DAB2: variants seen among roughly 807,000 people sequenced by gnomAD.
The protein encoded by DAB2 is disabled homolog 2.
A neutral mutation model predicts 71.6 loss-of-function variants in DAB2; 28 were observed. The observed-to-expected ratio is 0.39, with a 90% CI of 0.29 to 0.54. The LOEUF is 0.54. Among genes scored for constraint, DAB2 ranks in the 20% least tolerant of loss-of-function variants. DAB2 has a pLI of 0.68. For missense variants in DAB2, 867 were observed against 928.8 expected, an observed-to-expected ratio of 0.93 and a Z score of 0.86; for synonymous variants, 345 against 339.7, an observed-to-expected ratio of 1.02 and a Z score of -0.17.
intron 1 of DAB2, among the ~76,000 whole-genome samples, chr5:39,413,632 C>G (rs888925520): frequency 1.3e-5 from 2 of 151,988 alleles, no homozygotes; most frequent in African/African-American, 2.4e-5. Context: ...ATATGTTTTT[C>G]CATAAAACTG....
chr5:39,391,328 A>G (rs893510506), intron 4 of DAB2, among the ~76,000 whole-genome samples: 2 of 152,112 alleles, frequency 1.3e-5, no homozygotes, highest in Admixed American at 1.3e-4. Context: ...TTTTGTCCTG[A>G]ATGTCTAAGA....
intron 1 of DAB2, among the ~76,000 whole-genome samples, chr5:39,402,984 C>T (rs1356205575): frequency 6.6e-6 from 1 of 152,184 alleles, no homozygotes; most frequent in Non-Finnish European, 1.5e-5. Context: ...ATTCTTAAAA[C>T]ATTGATATTC....
intron 2 of DAB2, among the ~76,000 whole-genome samples, chr5:39,393,789 A>G (rs932049589): frequency 7.2e-5 from 11 of 152,224 alleles, no homozygotes; most frequent in African/African-American, 2.7e-4. Flanking sequence ...TTAAATTATC[A>G]ATAAGGCAGA....
At chr5:39,388,114 C>G (rs965671632) in intron 9 of DAB2, 191 bp downstream of exon 9, 2 of 545,456 alleles carry the variant, frequency 3.7e-6, no homozygotes, top group African/African-American at 3.9e-5. Context: ...ATTAATATAA[C>G]TGAATTAGTG....
intron 9 of DAB2, among the ~76,000 whole-genome samples, chr5:39,384,343 A>C (rs967644755): frequency 7.2e-5 from 11 of 152,172 alleles, no homozygotes; most frequent in Non-Finnish European, 1.2e-4. Context: ...ATTAACAAGT[A>C]ATAAAATAGA....
intron 1 of DAB2, among the ~76,000 whole-genome samples, chr5:39,414,964 TA>T (rs1755815014): frequency 6.6e-6 from 1 of 151,988 alleles, no homozygotes; most frequent in African/African-American, 2.4e-5. Context: ...AGAGGTTAGG[TA>T]GGGGAGAAAG....
Position 39,393,296 on chromosome 5 carries a change from T to C in DAB2, c.189A>G (p.Ala63=). The C allele has an allele frequency of 6.2e-7, 1 of 1,614,102 alleles. No individual in the cohort carries two copies. Among genetic ancestry groups the C allele is most frequent in the Non-Finnish European group, 8.5e-7 (1 of 1,179,972 alleles). Reference sequence around the variant, plus strand: ...AGTCTTGGCTCATTTTATCCCCTCTTGCATCTGGCACATCATCAATGCCAA... The same window carrying C: ...AGTCTTGGCTCATTTTATCCCCTCTCGCATCTGGCACATCATCAATGCCAA... ...KLIGIDDVPD[A]RGDKMSQDSM... is the part of the protein sequence containing the mutation. The change falls in exon 3 of 15, where the codon GCA becomes GCG. Residue 63 remains alanine, a synonymous_variant. Coordinates refer to ENST00000320816, the MANE Select transcript of DAB2 (RefSeq NM_001343.4).
intron 14 of DAB2, 31 bp downstream of exon 14, chr5:39,374,981 CCT>C (rs1754787853): frequency 7.0e-7 from 1 of 1,418,506 alleles, no homozygotes; most frequent in Non-Finnish European, 9.9e-7. Context: ...CACAAAAACC[CCT>C]GAGACAGGCT....
intron 1 of DAB2, among the ~76,000 whole-genome samples, chr5:39,416,733 A>G (rs2112109610): frequency 6.6e-6 from 1 of 152,184 alleles, no homozygotes; most frequent in East Asian, 1.9e-4. Flanking sequence ...ATTTGCCATG[A>G]CCTATCATTG....
In DAB2 at chr5:39,377,218, C is replaced by T; in HGVS notation, c.1569G>A (p.Gln523=). ...TGGCTCCCGGAGCCATTGAAGGGGA[C>T]TGATTGAAGACCAAAGATGCTGTGT... ...PWNTASLVFN[Q]SPSMAPGAMM... Residue 523 remains glutamine (Q), a synonymous_variant, in exon 12 of 15, where the codon CAG becomes CAA. Coordinates refer to ENST00000320816, the MANE Select transcript of DAB2 (RefSeq NM_001343.4). 1 of 1,614,088 alleles carries T rather than the reference C, an allele frequency of 6.2e-7. No individual in the cohort carries two copies. Among genetic ancestry groups the T allele is most frequent in the Non-Finnish European group, 8.5e-7 (1 of 1,180,002 alleles).
At chr5:39,424,470 T>TAC (rs56974213) in intron 1 of DAB2, among the ~76,000 whole-genome samples, 231 of 134,552 alleles carry the variant, frequency 1.7e-3, no homozygotes, top group East Asian at 2.8e-3. Context: ...GCAGACCTTT[T>TAC]ACACACACAC....
chr5:39,393,215 T>C (rs1755277827), intron 3 of DAB2, 39 bp downstream of exon 3: 2 of 1,597,290 alleles, frequency 1.3e-6, no homozygotes, highest in African/African-American at 2.7e-5. Context: ...TCTTGGACTT[T>C]TGCTTAATAT....
In DAB2 at chr5:39,377,178, G is replaced by T; in HGVS notation, c.1609C>A (p.Pro537Thr). ...ATGACGGGCTGACTAAAACCTGAAG[G>T]TTGACCACCCATCATGGCTCCCGGA... ...MAPGAMMGGQ[P>T]SGFSQPVIFG... is the part of the protein sequence containing the mutation. The change falls in exon 12 of 15, where the codon CCT (proline) becomes ACT (threonine). Residue 537 changes from proline (P) to threonine (T), a missense_variant. By Grantham distance (38) the Pro-to-Thr change is conservative (BLOSUM62 -1). This residue lies in a region of DAB2 where 740 missense variants were observed against 734.3 expected (regional missense o/e 1.01). Transcript: ENST00000320816. 5 of 1,614,128 alleles carry T rather than the reference G, an allele frequency of 3.1e-6. No homozygotes were observed. Among genetic ancestry groups the T allele is most frequent in the Non-Finnish European group, 4.2e-6 (5 of 1,180,016 alleles).
intron 9 of DAB2, chr5:39,387,605 A>G (rs907520326): frequency 6.6e-6 from 1 of 152,162 alleles, no homozygotes; most frequent in Non-Finnish European, 1.5e-5. Context: ...TCAAAATGTC[A>G]TGGACATTTT....
intron 1 of DAB2, chr5:39,418,346 C>T (rs1043555056): frequency 6.6e-6 from 1 of 152,094 alleles, no homozygotes; most frequent in African/African-American, 2.4e-5. Flanking sequence ...TTCTGTTGCA[C>T]TAAATGGTAA....
intron 1 of DAB2, among the ~76,000 whole-genome samples, chr5:39,400,522 G>A (rs984288927): frequency 2.6e-5 from 4 of 152,084 alleles, no homozygotes; most frequent in African/African-American, 7.2e-5. Context: ...GTGAGCCACC[G>A]CATCCGGCTG....
At chr5:39,416,592 T>G (rs577815366) in intron 1 of DAB2, among the ~76,000 whole-genome samples, 165 of 152,268 alleles carry the variant, frequency 1.1e-3, no homozygotes, top group African/African-American at 3.8e-3. Flanking sequence ...GACCTTCTTA[T>G]GTGGTCTGCT....
intron 11 of DAB2, among the ~76,000 whole-genome samples, chr5:39,378,459 G>A (rs555776665): frequency 6.6e-6 from 1 of 152,344 alleles, no homozygotes; most frequent in African/African-American, 2.4e-5. Context: ...GGTTAGGGAC[G>A]TTTATGTTTC....
intron 1 of DAB2, among the ~76,000 whole-genome samples, chr5:39,399,131 A>T (rs968451553): frequency 6.6e-6 from 1 of 152,164 alleles, no homozygotes; most frequent in Non-Finnish European, 1.5e-5. Flanking sequence ...AAGCTCTAGG[A>T]TGGTAAAAAT....
Sources: gnomAD v4.1 joint callset for allele counts (sites outside exome capture counted in the v4.1 genomes callset) on GRCh38, gnomAD v4.1.1 for gene constraint, gnomAD v4.1.1 regional missense constraint, MANE v1.5 for transcripts, NCBI Gene and HGNC (gene_info 2026-07-23, HGNC 2026-07-21) for gene names.